The following ZFHX3 variants were observed in gnomAD, a reference collection of about 807,000 sequenced individuals.
ZFHX3 encodes the protein zinc finger homeobox 3.
ZFHX3 carries 42 observed loss-of-function variants against 279.1 expected under a neutral mutation model. The observed-to-expected ratio is 0.15, with a 90% CI of 0.12 to 0.19. The LOEUF is 0.19. ZFHX3 is among the 10% of genes least tolerant of loss of function. ZFHX3 has a pLI of 1.00. For synonymous variants in ZFHX3, 2,293 were observed against 1,957.8 expected (o/e 1.17, Z -4.52); for missense variants, 4,981 against 4,754.0 (o/e 1.05, Z -1.40).
At chr16:73,091,240 A>T (rs1966077140) in intron 8 of ZFHX3, among the ~76,000 whole-genome samples, 1 of 151,942 alleles carries the variant, frequency 6.6e-6, no homozygotes, top group South Asian at 2.1e-4. Context: ...GCGGGGAAAA[A>T]AAAAAAAGCA....
chr16:72,954,327 G>A (rs1221061898), intron 2 of ZFHX3, among the ~76,000 whole-genome samples: 5 of 152,114 alleles, frequency 3.3e-5, no homozygotes, highest in South Asian at 4.1e-4. Context: ...CCGAGACTGC[G>A]CTATTGCACT....
chr16:73,859,919 C>G (rs917529396), intron 1 of ZFHX3, among the ~76,000 whole-genome samples: 3 of 152,200 alleles, frequency 2.0e-5, no homozygotes, highest in Non-Finnish European at 4.4e-5. Flanking sequence ...CTGTCTTTTT[C>G]ATGCAGCAGG....
chr16:73,332,060 C>A (rs897032558), intron 3 of ZFHX3, among the ~76,000 whole-genome samples: 1 of 152,176 alleles, frequency 6.6e-6, no homozygotes, highest in Admixed American at 6.5e-5. Context: ...GACAACGTGG[C>A]TTTTATAGAG....
intron 3 of ZFHX3, among the ~76,000 whole-genome samples, chr16:72,900,276 C>T (rs565822374): frequency 1.1e-4 from 16 of 152,218 alleles, no homozygotes; most frequent in African/African-American, 3.4e-4. Flanking sequence ...GAGGAGAGTT[C>T]GGCTGAAATG....
chr16:73,124,057 A>T (rs965600993), intron 7 of ZFHX3, among the ~76,000 whole-genome samples: 2 of 152,282 alleles, frequency 1.3e-5, no homozygotes, highest in African/African-American at 4.8e-5. Flanking sequence ...CAACCAACCA[A>T]CTAATACAGT....
chr16:73,233,087 G>A (rs1401098614), intron 5 of ZFHX3: 2 of 99,392 alleles, frequency 2.0e-5, no homozygotes, highest in Non-Finnish European at 3.7e-5. Flanking sequence ...ATGATGACAG[G>A]AAAACATCTT....
intron 2 of ZFHX3, among the ~76,000 whole-genome samples, chr16:72,952,308 A>G (rs908903183): frequency 1.3e-5 from 2 of 152,188 alleles, no homozygotes; most frequent in African/African-American, 2.4e-5. Flanking sequence ...CCTCTGGTCA[A>G]TATCCCTCCC....
chr16:73,408,208 T>C (rs1454115098), intron 3 of ZFHX3, among the ~76,000 whole-genome samples: 7 of 151,738 alleles, frequency 4.6e-5, no homozygotes, highest in African/African-American at 1.7e-4. Context: ...TTAAATGATA[T>C]CAGAGTGGAC....
intron 5 of ZFHX3, among the ~76,000 whole-genome samples, chr16:73,256,343 G>A (rs1198453232): frequency 6.6e-6 from 1 of 152,162 alleles, no homozygotes; most frequent in Non-Finnish European, 1.5e-5. Flanking sequence ...GATTCTATTT[G>A]TAGTTTCTGC....
intron 1 of ZFHX3, among the ~76,000 whole-genome samples, chr16:73,840,784 A>C (rs1487898183): frequency 6.6e-6 from 1 of 152,206 alleles, no homozygotes; most frequent in Non-Finnish European, 1.5e-5. Context: ...AGCCCATGAC[A>C]ATATTTTGAA....
rs576357880 is a variant in ZFHX3 at position 73,248,898 on chromosome 16, C to G, written c.-1104+8149G>C. 7.3e-5 allele frequency among the ~76,000 whole-genome samples: 11 copies of G among 151,530 alleles called. No homozygotes were observed. The South Asian group carries it at 2.3e-3, about 32-fold the overall frequency. ...AATTCAAGTAATTTAAATTTAAGAC[C>G]CTAAAAAAACTGTCCAGTCTGTGGT... On this transcript the variant is annotated intron_variant, in intron 5 of 17. Coordinates refer to the ZFHX3 transcript ENST00000641206.
Position 72,794,062 on chromosome 16 carries a change from C to T in ZFHX3, c.8620G>A (p.Gly2874Arg), listed in dbSNP as rs141012880. 4 of 1,614,204 alleles carry T rather than the reference C, an allele frequency of 2.5e-6. No individual in the cohort carries two copies. Among genetic ancestry groups the T allele is most frequent in the Non-Finnish European group, 3.4e-6 (4 of 1,180,036 alleles). The change falls in exon 9 of 10, where the codon GGG (glycine) becomes AGG (arginine). Residue 2874 changes from glycine (G) to arginine (R), a missense_variant. By Grantham distance (125) the Gly-to-Arg change is moderately radical. Transcript: ENST00000268489. This position sits in a 1 kb window ranked among gnomAD's most constrained non-coding sequence, Gnocchi z 4.2. ...ETKSSSAPNE[G>R]LTKAAMMAMS... ...GCCATCATGGCCGCTTTGGTCAACC[C>T]TTCGTTGGGTGCAGAAGAGGATTTG...
At chr16:73,274,318 C>T (rs2014235334) in intron 4 of ZFHX3, among the ~76,000 whole-genome samples, 3 of 152,112 alleles carry the variant, frequency 2.0e-5, no homozygotes, top group Admixed American at 1.3e-4. Context: ...TTTTGCATTG[C>T]TTATTTTCAT....
intron 1 of ZFHX3, among the ~76,000 whole-genome samples, chr16:73,727,669 C>G (rs2053531283): frequency 6.6e-6 from 1 of 152,194 alleles, no homozygotes; most frequent in South Asian, 2.1e-4. Flanking sequence ...GTATCTGACT[C>G]CATCTCTGGC....
chr16:72,953,041 CTTTTT>C (rs964657978), intron 2 of ZFHX3, among the ~76,000 whole-genome samples: 1 of 151,788 alleles, frequency 6.6e-6, no homozygotes, highest in Non-Finnish European at 1.5e-5. Flanking sequence ...ATATTTTTTT[CTTTTT>C]TTTATGATTT....
intron 3 of ZFHX3, among the ~76,000 whole-genome samples, chr16:72,933,808 A>ATTT (rs1959950951): frequency 7.7e-6 from 1 of 130,166 alleles, no homozygotes; most frequent in African/African-American, 2.7e-5. Flanking sequence ...TTAGCTCACA[A>ATTT]CTTTCTTTTT....
Position 73,028,208 on chromosome 16 carries a change from T to A in ZFHX3, c.-50+19544A>T, listed in dbSNP as rs79812265. 3.4e-3 allele frequency among the ~76,000 whole-genome samples: 516 copies of A among 152,296 alleles called. 3 individuals carry two copies. Among genetic ancestry groups the A allele is most frequent in the African/African-American group, 0.012 (499 of 41,544 alleles). On this transcript the variant is annotated intron_variant, in intron 1 of 9. Coordinates refer to ENST00000268489, the MANE Select transcript of ZFHX3 (RefSeq NM_006885.4). ...ACCATGAAGACAACTGTCAGCCATG[T>A]TCATGTGGGAAAACATAAGCACCTC...
At chr16:73,056,346 T>C (rs998353924) in intron 1 of ZFHX3, among the ~76,000 whole-genome samples, 2 of 152,116 alleles carry the variant, frequency 1.3e-5, no homozygotes, top group African/African-American at 4.8e-5. Flanking sequence ...TATTCTCTTT[T>C]ATTTTCCTAT....
At chr16:72,863,429 G>T (rs1306166065) in intron 4 of ZFHX3, among the ~76,000 whole-genome samples, 1 of 151,484 alleles carries the variant, frequency 6.6e-6, no homozygotes, top group African/African-American at 2.4e-5. Context: ...GAGGCAGGAG[G>T]ATGGCTTGAG....
Sources: gnomAD v4.1 joint callset for allele counts (sites outside exome capture counted in the v4.1 genomes callset) on GRCh38, gnomAD v4.1.1 for gene constraint, Gnocchi (gnomAD v3.1) non-coding constraint, MANE v1.5 for transcripts, NCBI Gene and HGNC (gene_info 2026-07-23, HGNC 2026-07-21) for gene names.